Variants in LARGE1 observed in about 807,000 individuals in gnomAD.
The protein encoded by LARGE1 is LARGE xylosyl- and glucuronyltransferase 1.
Under a neutral mutation model 87.6 loss-of-function variants are expected in LARGE1, and 43 were observed. That is an observed-to-expected ratio of 0.49 (90% CI 0.38 to 0.63). The LOEUF is 0.63. LARGE1 is among the 30% of genes least tolerant of loss of function. The probability of loss-of-function intolerance (pLI) is 0.00; values close to 1 mark genes in which losing one functional copy is unlikely to be tolerated. For missense variants in LARGE1, 802 were observed against 1,000.2 expected (o/e 0.80, Z 2.67); for synonymous variants, 434 against 394.6 (o/e 1.10, Z -1.18).
chr22:33,521,490 G>A (rs1271751049), intron 6 of LARGE1, among the ~76,000 whole-genome samples: 1 of 152,190 alleles, frequency 6.6e-6, no homozygotes, highest in Non-Finnish European at 1.5e-5. Context: ...CAGAGTGGCA[G>A]GGGGAGCCCC....
chr22:33,669,724 C>T (rs895105136), intron 2 of LARGE1, among the ~76,000 whole-genome samples: 1 of 152,222 alleles, frequency 6.6e-6, no homozygotes, highest in Non-Finnish European at 1.5e-5. Flanking sequence ...TAAATTACTG[C>T]AGCACATCTG....
At chr22:33,091,750 T>TA in the LARGE1 span, among the ~76,000 whole-genome samples, 9 of 152,230 alleles carry the variant, frequency 5.9e-5, no homozygotes, top group African/African-American at 2.2e-4. Flanking sequence ...CCTTTACTTC[T>TA]ACATCTGTAA....
At chr22:33,608,124 A>G (rs1249075662) in intron 4 of LARGE1, among the ~76,000 whole-genome samples, 2 of 152,192 alleles carry the variant, frequency 1.3e-5, no homozygotes, top group African/African-American at 2.4e-5. Flanking sequence ...ACTGTCTCCC[A>G]AGGCCACAGT....
At chr22:33,742,499 A>T (rs1420043747) in intron 2 of LARGE1, among the ~76,000 whole-genome samples, 1 of 152,168 alleles carries the variant, frequency 6.6e-6, no homozygotes, top group Non-Finnish European at 1.5e-5. Context: ...CCCTAAAGCA[A>T]GGACTAGGAG....
At chr22:33,281,876 GTTTA>G (rs913266465) in intron 13 of LARGE1, among the ~76,000 whole-genome samples, 62 of 152,308 alleles carry the variant, frequency 4.1e-4, no homozygotes, top group African/African-American at 1.3e-3. Flanking sequence ...ACAAGATAAA[GTTTA>G]TTTGAGGAAA....
intron 5 of LARGE1, among the ~76,000 whole-genome samples, chr22:33,573,981 A>C (rs2148834381): frequency 6.6e-6 from 1 of 152,298 alleles, no homozygotes; most frequent in East Asian, 1.9e-4. Context: ...GGTGGAGGCA[A>C]GGTTATCTTG....
At chr22:33,903,493 G>C (rs1489331836) in intron 1 of LARGE1, among the ~76,000 whole-genome samples, 1 of 151,932 alleles carries the variant, frequency 6.6e-6, no homozygotes, top group Non-Finnish European at 1.5e-5. Flanking sequence ...AAAAAGAATG[G>C]CAAAACACAT....
At chr22:33,184,240 A>G (rs889908141) in intron 11 of LARGE1, among the ~76,000 whole-genome samples, 5 of 151,568 alleles carry the variant, frequency 3.3e-5, no homozygotes, top group African/African-American at 7.2e-5. Flanking sequence ...CAAATGCTTG[A>G]TATCTTGTAG....
chr22:33,693,590 C>T (rs1424168495), intron 2 of LARGE1, among the ~76,000 whole-genome samples: 3 of 152,112 alleles, frequency 2.0e-5, no homozygotes, highest in Admixed American at 6.5e-5. Flanking sequence ...TTCGGGAGGC[C>T]GAGGCGGGCG....
chr22:33,166,642 G>A, exon 12 of LARGE1: 1 of 423,718 alleles, frequency 2.4e-6, no homozygotes, highest in Admixed American at 2.6e-5. Context: ...TTACCGTGAG[G>A]ATGTTCACCT....
downstream of LARGE1, among the ~76,000 whole-genome samples, chr22:33,160,901 T>C (rs980303132): frequency 1.3e-5 from 2 of 152,262 alleles, no homozygotes; most frequent in African/African-American, 4.8e-5. Flanking sequence ...GAGTGAAGAT[T>C]TGAATTTCCC....
chr22:33,820,894 C>A (rs1010096760), intron 1 of LARGE1, among the ~76,000 whole-genome samples: 2 of 152,112 alleles, frequency 1.3e-5, no homozygotes, highest in African/African-American at 4.8e-5. Flanking sequence ...GCTAAGTGCA[C>A]CACCCCCTCT....
At chr22:33,394,745 ATGTGTGTGTG>A (rs2065666539) in intron 7 of LARGE1, among the ~76,000 whole-genome samples, 1 of 93,872 alleles carries the variant, frequency 1.1e-5, no homozygotes, top group Non-Finnish European at 2.3e-5. Flanking sequence ...GTGTGTGTGT[ATGTGTGTGTG>A]TATCTACATG....
intron 2 of LARGE1, among the ~76,000 whole-genome samples, chr22:33,682,281 G>C (rs547403138): frequency 7.9e-5 from 12 of 152,196 alleles, no homozygotes; most frequent in Non-Finnish European, 1.8e-4. Context: ...GAAAAGAATT[G>C]ACGTTAACAC....
At chr22:33,145,878 C>A in the LARGE1 span, among the ~76,000 whole-genome samples, 1 of 152,118 alleles carries the variant, frequency 6.6e-6, no homozygotes, top group African/African-American at 2.4e-5. Context: ...TTGACAGTTT[C>A]TTATTTGTCA....
At chr22:33,326,411 AC>A (rs2146425708) in intron 10 of LARGE1, among the ~76,000 whole-genome samples, 1 of 149,670 alleles carries the variant, frequency 6.7e-6, no homozygotes, top group African/African-American at 2.6e-5. Flanking sequence ...CTAATTACAA[AC>A]ACAGTGCAAT....
chr22:33,216,802 C>CTG (rs1925227578), intron 11 of LARGE1, among the ~76,000 whole-genome samples: 2 of 152,028 alleles, frequency 1.3e-5, no homozygotes, highest in South Asian at 4.2e-4. Context: ...TGGGTAAAGC[C>CTG]CTCAGGCAGA....
chr22:33,440,008 C>A (rs1389627387), intron 6 of LARGE1, among the ~76,000 whole-genome samples: 3 of 152,164 alleles, frequency 2.0e-5, no homozygotes, highest in East Asian at 1.9e-4. Flanking sequence ...CTCCTCCTCT[C>A]TCTCTCTCCT....
At chr22:33,859,819 G>A (rs1173142330) in intron 1 of LARGE1, among the ~76,000 whole-genome samples, 3 of 152,098 alleles carry the variant, frequency 2.0e-5, no homozygotes, top group Non-Finnish European at 4.4e-5. Context: ...TCATCGACAC[G>A]CTACACCATG....
Sources: gnomAD v4.1 joint callset for allele counts (sites outside exome capture counted in the v4.1 genomes callset) on GRCh38, gnomAD v4.1.1 for gene constraint, MANE v1.5 for transcripts, NCBI Gene and HGNC (gene_info 2026-07-23, HGNC 2026-07-21) for gene names.